HNF1B: variants seen among roughly 807,000 people sequenced by gnomAD.
HNF1B encodes the protein hepatocyte nuclear factor 1-beta.
Under a neutral mutation model 61.7 loss-of-function variants are expected in HNF1B, and 8 were observed. The ratio of observed to expected loss-of-function variants is 0.13; its 90% CI spans 0.08 to 0.23. The LOEUF (loss-of-function observed/expected upper bound fraction) is 0.23, where lower values mean the gene tolerates loss of function less well. Ranked by LOEUF, HNF1B falls within the 10% of genes least tolerant of loss-of-function variation. HNF1B has a pLI of 1.00. For synonymous variants in HNF1B, 314 were observed against 287.7 expected (o/e 1.09, Z -0.93); for missense variants, 562 against 714.5 (o/e 0.79, Z 2.43).
chr17:37,699,896 T>C (rs770437934), intron 7 of HNF1B, among the ~76,000 whole-genome samples: 6 of 152,200 alleles, frequency 3.9e-5, no homozygotes, highest in Admixed American at 6.5e-5. Flanking sequence ...GCTTATCCGA[T>C]GCAGCTAGGG....
In HNF1B at chr17:37,726,136, C is replaced by CTGTGTGTGTGTGTGTG. The variant is rs60311199; in HGVS notation, c.1045+5443_1045+5458dup. Among the ~76,000 whole-genome samples, 4 of 150,346 alleles carry CTGTGTGTGTGTGTGTG rather than the reference C, an allele frequency of 2.7e-5. No homozygotes were observed. The East Asian group carries it at 7.9e-4, about 30-fold the overall frequency. On this transcript the variant is annotated intron_variant, in intron 4 of 8. Coordinates refer to ENST00000617811, the MANE Select transcript of HNF1B (RefSeq NM_000458.4). Reference sequence around the variant, plus strand: ...ATGTGGGAAAAGGAACTGCTGGGGGCTGTGTGTGTGTGTGTGTGTGTCTTT... The same window carrying CTGTGTGTGTGTGTGTG: ...ATGTGGGAAAAGGAACTGCTGGGGGCTGTGTGTGTGTGTGTGTGTGTGTGTGTGTGTGTGTGTCTTT...
intron 4 of HNF1B, among the ~76,000 whole-genome samples, chr17:37,725,721 G>A (rs79531840): frequency 8.5e-5 from 13 of 152,306 alleles, no homozygotes; most frequent in African/African-American, 2.2e-4. Context: ...CTTATTTACC[G>A]TGAGGAACTT....
intron 6 of HNF1B, among the ~76,000 whole-genome samples, chr17:37,702,517 T>C (rs561854218): frequency 2.2e-4 from 34 of 152,336 alleles, no homozygotes; most frequent in African/African-American, 7.2e-4. Flanking sequence ...GATACCCTGA[T>C]GACCGATGAC....
chr17:37,731,302 G>A, intron 4 of HNF1B: 1 of 563,154 alleles, frequency 1.8e-6, no homozygotes. Context: ...AGTGTAGAAT[G>A]ACCGCTGAGT....
intron 4 of HNF1B, among the ~76,000 whole-genome samples, chr17:37,715,512 C>T (rs1262395173): frequency 6.6e-6 from 1 of 152,172 alleles, no homozygotes; most frequent in African/African-American, 2.4e-5. Flanking sequence ...AATTCAGAAG[C>T]CTGCATCCAG....
chr17:37,714,863 CAA>C (rs2033052844), intron 4 of HNF1B, among the ~76,000 whole-genome samples: 2 of 152,114 alleles, frequency 1.3e-5, no homozygotes, highest in African/African-American at 4.8e-5. Context: ...CTTTCTAAAA[CAA>C]AGTCACACCA....
At chr17:37,736,422 T>C (rs2033834722) in intron 2 of HNF1B, among the ~76,000 whole-genome samples, 1 of 152,218 alleles carries the variant, frequency 6.6e-6, no homozygotes, top group Non-Finnish European at 1.5e-5. Flanking sequence ...CCGCTCCATG[T>C]GAGAAGTACA....
chr17:37,713,554 C>G (rs1420265913), intron 4 of HNF1B, among the ~76,000 whole-genome samples: 1 of 152,210 alleles, frequency 6.6e-6, no homozygotes, highest in Non-Finnish European at 1.5e-5. Context: ...TGTCAAAAGA[C>G]AGATGAGCCT....
intron 8 of HNF1B, among the ~76,000 whole-genome samples, chr17:37,690,317 A>G (rs982490288): frequency 6.6e-6 from 1 of 152,082 alleles, no homozygotes; most frequent in African/African-American, 2.4e-5. Flanking sequence ...AGGAGGTGAG[A>G]ACGGCGACAC....
At chr17:37,744,334 G>T (rs2034098343) in intron 1 of HNF1B, among the ~76,000 whole-genome samples, 2 of 152,366 alleles carry the variant, frequency 1.3e-5, no homozygotes, top group African/African-American at 4.8e-5. Flanking sequence ...GCCTGGGCCT[G>T]GGGAGAAGAA....
chr17:37,691,354 C>T (rs78493485), intron 8 of HNF1B, among the ~76,000 whole-genome samples: 2,424 of 152,244 alleles, frequency 0.016, 46 homozygotes, highest in African/African-American at 0.054. Context: ...TCCGGTTTTA[C>T]AGATGAGGGA....
rs550344661 is a variant in HNF1B, at chr17:37,739,412, G to A, written c.544+28C>T. ...GAGAGGGCAAAGGTCACTTCAGGTTGAGGCAGAGGCAGGATGAAAACACTT... is the reference window on the plus strand; with the variant it reads ...GAGAGGGCAAAGGTCACTTCAGGTTAAGGCAGAGGCAGGATGAAAACACTT... On this transcript the variant is annotated intron_variant, in intron 2 of 8. Coordinates refer to ENST00000617811, the MANE Select transcript of HNF1B (RefSeq NM_000458.4). 2.5e-6 allele frequency: 4 copies of A among 1,607,846 alleles called. No homozygotes were observed. The Admixed American group carries it at 5.0e-5, about 20-fold the overall frequency.
intron 8 of HNF1B, among the ~76,000 whole-genome samples, chr17:37,688,380 A>AACACACACACACACACACAC (rs5820230): frequency 7.3e-6 from 1 of 136,104 alleles, no homozygotes; most frequent in Admixed American, 7.4e-5. Context: ...GATCCCCCCA[A>AACACACACACACACACACAC]ACACACACAC....
intron 5 of HNF1B, among the ~76,000 whole-genome samples, chr17:37,709,046 C>A (rs1489436522): frequency 6.6e-6 from 1 of 152,106 alleles, no homozygotes; most frequent in African/African-American, 2.4e-5. Flanking sequence ...TGCAGCTCCA[C>A]CTTCAGCATG....
intron 4 of HNF1B, among the ~76,000 whole-genome samples, chr17:37,714,081 G>A (rs1037091152): frequency 1.3e-5 from 2 of 152,212 alleles, no homozygotes; most frequent in African/African-American, 2.4e-5. Flanking sequence ...GTGTGATCTT[G>A]GGAAGTTACT....
chr17:37,731,966 G>A (rs919577335), intron 3 of HNF1B, 136 bp from the exon 4 acceptor site: 2 of 645,580 alleles, frequency 3.1e-6, no homozygotes, highest in African/African-American at 3.6e-5. Context: ...GGCTGGGGAG[G>A]AGAGGCCTAT....
chr17:37,698,496 A>G (rs1377424521), intron 8 of HNF1B, among the ~76,000 whole-genome samples: 2 of 152,150 alleles, frequency 1.3e-5, no homozygotes, highest in Non-Finnish European at 2.9e-5. Flanking sequence ...AGTTGATTCT[A>G]AATTTCTTGA....
At chr17:37,740,469 T>C (rs948536957) in intron 1 of HNF1B, among the ~76,000 whole-genome samples, 3 of 152,202 alleles carry the variant, frequency 2.0e-5, no homozygotes, top group Non-Finnish European at 4.4e-5. Context: ...GGTATCTCCA[T>C]TTCTTATAAA....
intron 8 of HNF1B, among the ~76,000 whole-genome samples, chr17:37,694,724 T>C (rs946402845): frequency 6.6e-6 from 1 of 152,028 alleles, no homozygotes; most frequent in Non-Finnish European, 1.5e-5. Flanking sequence ...TTGGCTGCAT[T>C]GTGTCCATAT....
Sources: gnomAD v4.1 joint callset for allele counts (sites outside exome capture counted in the v4.1 genomes callset) on GRCh38, gnomAD v4.1.1 for gene constraint, MANE v1.5 for transcripts, NCBI Gene and HGNC (gene_info 2026-07-23, HGNC 2026-07-21) for gene names.